BTD: variants seen among roughly 807,000 people sequenced by gnomAD.
The protein encoded by BTD is biocytinase.
In BTD, 13 loss-of-function variants were observed where a neutral mutation model predicts 17.7. The ratio of observed to expected loss-of-function variants is 0.74; its 90% CI spans 0.48 to 1.17. The LOEUF (loss-of-function observed/expected upper bound fraction) is 1.17, where lower values mean the gene tolerates loss of function less well. Among genes scored for constraint, BTD ranks in the 50% most tolerant of loss-of-function variants. BTD has a pLI of 0.00. For missense variants in BTD, 674 were observed against 650.4 expected (o/e 1.04, Z -0.39); for synonymous variants, 240 against 245.2 (o/e 0.98, Z 0.20).
chr3:15,652,233 G>A lies in BTD; in HGVS notation c.*6745G>A, dbSNP rs1277077491. On this transcript the variant is annotated 3_prime_UTR_variant, in exon 4 of 4. Coordinates refer to ENST00000643237, the MANE Select transcript of BTD (RefSeq NM_001370658.1). ...CCCAGCTAGTCGGGAGGCTGAGGCA[G>A]AAGAATCGCTTGAACCCGGGAGGCG... Among the ~76,000 whole-genome samples, 1 of 152,232 alleles carries A rather than the reference G, an allele frequency of 6.6e-6. No homozygotes were observed. The highest frequency in any genetic ancestry group is 2.4e-5 in the African/African-American group (1 of 41,452).
At position 15,652,345 on chromosome 3, in the gene BTD, A is replaced by G. The variant is rs565557293; in HGVS notation, c.*6857A>G. Among the ~76,000 whole-genome samples the G allele has an allele frequency of 6.6e-6, 1 of 152,282 alleles. No individual in the cohort carries two copies. The highest frequency in any genetic ancestry group is 1.5e-5 in the Non-Finnish European group (1 of 68,006). On this transcript the variant is annotated 3_prime_UTR_variant, in exon 4 of 4. Coordinates refer to ENST00000643237, the MANE Select transcript of BTD (RefSeq NM_001370658.1). ...CGTCTCCAAAAAAAAAAGATACTGC[A>G]GCTTCTATCTTGGTTGCTCACTTGC...
intron 3 of BTD, among the ~76,000 whole-genome samples, chr3:15,643,194 A>G (rs1026676300): frequency 7.2e-5 from 11 of 152,300 alleles, no homozygotes; most frequent in Non-Finnish European, 1.0e-4. Context: ...TCCTTTGGTC[A>G]ATGCAAGATA....
intron 3 of BTD, among the ~76,000 whole-genome samples, chr3:15,672,146 A>ATTT (rs869087310): frequency 1.5e-5 from 2 of 136,578 alleles, no homozygotes; most frequent in African/African-American, 2.7e-5. Context: ...TAAAAAAAGG[A>ATTT]TTTTTTTTTT....
At chr3:15,709,727 C>T (rs780198745) in intron 3 of BTD, 1 of 1,561,494 alleles carries the variant, frequency 6.4e-7, no homozygotes, top group Non-Finnish European at 8.7e-7. Context: ...GGTTTAGGCA[C>T]TCCAAATTCC....
intron 1 of BTD, among the ~76,000 whole-genome samples, chr3:15,625,607 G>C (rs2065046874): frequency 6.6e-6 from 1 of 152,218 alleles, no homozygotes; most frequent in South Asian, 2.1e-4. Context: ...CCAGGCTGGA[G>C]TGCAGTGGTG....
intron 1 of BTD, among the ~76,000 whole-genome samples, chr3:15,605,866 A>G (rs1255122065): frequency 6.6e-6 from 1 of 152,070 alleles, no homozygotes; most frequent in African/African-American, 2.4e-5. Context: ...CAATGTGGTG[A>G]AACCCCATCT....
chr3:15,611,193 G>T (rs1175347661), intron 1 of BTD, among the ~76,000 whole-genome samples: 1 of 152,136 alleles, frequency 6.6e-6, no homozygotes, highest in Non-Finnish European at 1.5e-5. Context: ...ATGGGCCAAA[G>T]CAATTTAAAT....
chr3:15,642,289 T>C, intron 3 of BTD: 1 of 1,423,112 alleles, frequency 7.0e-7, no homozygotes, highest in South Asian at 1.5e-5. Context: ...ACACAATAAA[T>C]ACAGGAATGT....
rs931268644 is a variant in BTD, at chr3:15,645,097, A to G, written c.1181A>G (p.Tyr394Cys). 1.9e-6 allele frequency: 3 copies of G among 1,614,098 alleles called. No individual in the cohort carries two copies. The highest frequency in any genetic ancestry group is 1.3e-5 in the African/African-American group (1 of 75,064). ...TLVPVWGKEG[Y>C]LHVCSNGLCC... Reference sequence around the variant, plus strand: ...GTCCCTGTCTGGGGAAAGGAAGGCTATCTCCACGTCTGTTCCAATGGCCTC... The same window carrying G: ...GTCCCTGTCTGGGGAAAGGAAGGCTGTCTCCACGTCTGTTCCAATGGCCTC... Residue 394 changes from tyrosine to cysteine, a missense_variant, in exon 4 of 4, where the codon TAT becomes TGT. Tyr to Cys is a radical substitution (Grantham distance 194). Transcript: ENST00000643237.
intron 3 of BTD, among the ~76,000 whole-genome samples, chr3:15,698,641 C>G (rs1389795736): frequency 6.6e-6 from 1 of 152,030 alleles, no homozygotes; most frequent in Non-Finnish European, 1.5e-5. Context: ...CCATTCACAA[C>G]TGCTACAAAG....
intron 3 of BTD, chr3:15,670,298 A>G: frequency 1.2e-6 from 2 of 1,608,514 alleles, no homozygotes; most frequent in Non-Finnish European, 1.7e-6. Context: ...GGAGTCGTTG[A>G]GCTCATCCAC....
At chr3:15,623,969 T>C (rs1177450243) in intron 1 of BTD, among the ~76,000 whole-genome samples, 1 of 152,240 alleles carries the variant, frequency 6.6e-6, no homozygotes. Flanking sequence ...AGTGTGAGAA[T>C]GGACTAATAC....
At chr3:15,677,690 A>G in intron 3 of BTD, 1 of 558,544 alleles carries the variant, frequency 1.8e-6, no homozygotes. Flanking sequence ...GTACAAGAAA[A>G]ATATTGTAAT....
At chr3:15,673,059 G>C (rs900106881) in intron 3 of BTD, among the ~76,000 whole-genome samples, 1 of 152,346 alleles carries the variant, frequency 6.6e-6, no homozygotes, top group South Asian at 2.1e-4. Context: ...CCATAGGCAT[G>C]GGCCACCATG....
At chr3:15,605,478 A>G (rs1226529665) in intron 1 of BTD, among the ~76,000 whole-genome samples, 1 of 152,334 alleles carries the variant, frequency 6.6e-6, no homozygotes, top group Admixed American at 6.5e-5. Flanking sequence ...ACCAAACCAT[A>G]TCAGGGACCC....
At chr3:15,670,691 C>A (rs1046615109) in intron 3 of BTD, 7 of 919,638 alleles carry the variant, frequency 7.6e-6, no homozygotes, top group Non-Finnish European at 9.5e-6. Context: ...CTGTAACCAG[C>A]ATGATTCGCA....
chr3:15,685,187 C>G (rs1160585577), intron 3 of BTD: 2 of 1,591,730 alleles, frequency 1.3e-6, no homozygotes, highest in Non-Finnish European at 1.7e-6. Flanking sequence ...TATCTCTGTT[C>G]ACTACACAAT....
At position 15,700,599 on chromosome 3, in the gene BTD, T is replaced by C. The variant is rs144065269; in HGVS notation, c.400-9461T>C. On this transcript the variant is annotated intron_variant, in intron 3 of 3. Coordinates refer to the BTD transcript ENST00000672141. The stretch of plus-strand genomic sequence containing the variant: ...GACCATCCTGGCCAACATGGTGAAA[T>C]CTTGTCTCTACCAAGAGTACAAAAA... Among the ~76,000 whole-genome samples the C allele has an allele frequency of 4.4e-3, 666 of 151,864 alleles. 8 individuals are homozygous for C. Among genetic ancestry groups the C allele is most frequent in the East Asian group, 0.023 (120 of 5,166 alleles).
At chr3:15,634,449 T>G (rs2065292073) in intron 1 of BTD, among the ~76,000 whole-genome samples, 1 of 152,152 alleles carries the variant, frequency 6.6e-6, no homozygotes, top group Non-Finnish European at 1.5e-5. Context: ...CAGGCTGATT[T>G]TTAAAGGCAG....
Sources: gnomAD v4.1 joint callset for allele counts (sites outside exome capture counted in the v4.1 genomes callset) on GRCh38, gnomAD v4.1.1 for gene constraint, MANE v1.5 for transcripts, NCBI Gene and HGNC (gene_info 2026-07-23, HGNC 2026-07-21) for gene names.